Variants in NEK5 observed in about 807,000 individuals in gnomAD.
NEK5 encodes the protein NIMA related kinase 5, also known as serine/threonine-protein kinase Nek5.
In NEK5, 88 loss-of-function variants were observed where a neutral mutation model predicts 109.2. The observed-to-expected ratio is 0.81, with a 90% CI of 0.68 to 0.96. The LOEUF is 0.96. NEK5 is among the 40% of genes least tolerant of loss of function. NEK5 has a pLI of 0.00. For synonymous variants in NEK5, 283 were observed against 299.9 expected, an observed-to-expected ratio of 0.94 and a Z score of 0.58; for missense variants, 834 against 920.7, an observed-to-expected ratio of 0.91 and a Z score of 1.22.
intron 21 of NEK5, chr13:52,065,205 G>T (rs1954667610): frequency 3.9e-6 from 2 of 514,724 alleles, no homozygotes; most frequent in Admixed American, 3.2e-5. Flanking sequence ...AATCAAGTCA[G>T]CTGTCCTTCC....
At chr13:52,054,130 T>C (rs1954531839) in intron 22 of NEK5, among the ~76,000 whole-genome samples, 1 of 152,236 alleles carries the variant, frequency 6.6e-6, no homozygotes, top group Non-Finnish European at 1.5e-5. Flanking sequence ...AAAGCAGCAG[T>C]GTCATTTGAT....
At chr13:52,085,609 T>C (rs1438807210) in intron 16 of NEK5, among the ~76,000 whole-genome samples, 4 of 152,208 alleles carry the variant, frequency 2.6e-5, no homozygotes, top group Non-Finnish European at 5.9e-5. Flanking sequence ...AAGCTTCTCC[T>C]AGGAGAGCAT....
intron 19 of NEK5, among the ~76,000 whole-genome samples, chr13:52,074,629 G>A (rs1448445988): frequency 1.3e-5 from 2 of 152,024 alleles, no homozygotes; most frequent in Non-Finnish European, 2.9e-5. Flanking sequence ...AAATTGACAA[G>A]TGGAACCTAA....
chr13:52,099,846 C>G lies in NEK5; in HGVS notation c.923G>C (p.Gly308Ala). 2 of 1,613,574 alleles carry G rather than the reference C, an allele frequency of 1.2e-6. No individual in the cohort carries two copies. Among genetic ancestry groups the G allele is most frequent in the South Asian group, 2.2e-5 (2 of 91,040 alleles). The stretch of plus-strand genomic sequence containing the variant: ...TATCCTTGATCTTGGTGGGCACTTT[C>G]CCTGGAATCTCACTTTTTGTATTTT... ...KCKIQKVRFQ[G>A]KCPPRSRISV... The change falls in exon 12 of 24, where the codon GGA becomes GCA. Residue 308 changes from glycine (G) to alanine (A), a missense_variant. Transcript: ENST00000684899.
At chr13:52,052,429 G>C (rs1011454302) in intron 22 of NEK5, among the ~76,000 whole-genome samples, 2 of 152,166 alleles carry the variant, frequency 1.3e-5, no homozygotes, top group African/African-American at 4.8e-5. Context: ...CACCACCAAG[G>C]TATAAGACTC....
chr13:52,075,695 A>T (rs1368806470), intron 19 of NEK5, 63 bp downstream of exon 19: 8 of 971,508 alleles, frequency 8.2e-6, no homozygotes, highest in Non-Finnish European at 1.3e-5. Flanking sequence ...TTCATGAAAC[A>T]TGCTATTAAG....
At chr13:52,113,632 TC>T (rs1955797474) in intron 4 of NEK5, among the ~76,000 whole-genome samples, 1 of 152,202 alleles carries the variant, frequency 6.6e-6, no homozygotes, top group East Asian at 1.9e-4. Flanking sequence ...AAATTTTTTT[TC>T]TTTTTTTTTT....
chr13:52,107,700 A>G (rs1175549667), intron 8 of NEK5, among the ~76,000 whole-genome samples: 1 of 152,124 alleles, frequency 6.6e-6, no homozygotes, highest in Non-Finnish European at 1.5e-5. Context: ...CCATGACAAA[A>G]TAATGAAGGA....
Position 52,050,104 on chromosome 13 carries a change from G to C in NEK5, c.2228C>G (p.Thr743Arg), listed in dbSNP as rs536942247. 25 of 965,504 alleles carry C rather than the reference G, an allele frequency of 2.6e-5. No homozygotes were observed. The highest frequency in any genetic ancestry group is 3.1e-5 in the Non-Finnish European group (25 of 811,538). 59.8% of individuals were successfully genotyped at this position (965,504 alleles called of 1,614,324 possible). ...QLEPRSDDDD[T>R]NFEESEDELR... ...AGGTATCGGCAAATGATCTACTTAC[G>C]TATCATCATCATCAGATCTTGGTTC... is the stretch of plus-strand genomic sequence containing the variant. The change falls in exon 23 of 24, where the codon ACA (threonine) becomes AGA (arginine). Residue 743 changes from threonine (T) to arginine (R), a missense_variant and splice_region_variant. This residue lies in a region of NEK5 where 57 missense variants were observed against 96.0 expected (regional missense o/e 0.59). Coordinates refer to ENST00000684899, the MANE Select transcript of NEK5 (RefSeq NM_001365552.1).
At position 52,104,569 on chromosome 13, in the gene NEK5, T is replaced by C; in HGVS notation, c.555-17A>G. On this transcript the variant is annotated splice_polypyrimidine_tract_variant and intron_variant, in intron 8 of 23. Transcript: ENST00000684899. ...CAAATATCCCTAAAGAAGATAAGAG[T>C]TTACATGCCAAGAAAATATCCATAA... 1 of 1,561,880 alleles carries C rather than the reference T, an allele frequency of 6.4e-7. No homozygotes were observed. Among genetic ancestry groups the C allele is most frequent in the Non-Finnish European group, 8.8e-7 (1 of 1,133,976 alleles).
chr13:52,085,853 G>A (rs1955130339), intron 16 of NEK5, among the ~76,000 whole-genome samples: 1 of 152,178 alleles, frequency 6.6e-6, no homozygotes, highest in Admixed American at 6.5e-5. Flanking sequence ...ATAGCCTTTA[G>A]AACCTTACCC....
At chr13:52,073,385 A>G (rs1324827839) in intron 19 of NEK5, among the ~76,000 whole-genome samples, 5 of 150,494 alleles carry the variant, frequency 3.3e-5, no homozygotes, top group African/African-American at 1.2e-4. Context: ...CAGTGATCTC[A>G]GCTCACTGCA....
At chr13:52,084,762 A>AGAGTGTGTGTGTGT (rs1228944662) in intron 16 of NEK5, among the ~76,000 whole-genome samples, 16 of 47,436 alleles carry the variant, frequency 3.4e-4, no homozygotes, top group African/African-American at 9.6e-4. Flanking sequence ...AGAGAGAGAG[A>AGAGTGTGTGTGTGT]GTGTGTGTGT....
intron 22 of NEK5, among the ~76,000 whole-genome samples, chr13:52,052,863 T>C (rs1034230953): frequency 2.6e-5 from 4 of 152,296 alleles, no homozygotes; most frequent in African/African-American, 7.2e-5. Context: ...CCTTTTTTTT[T>C]CCAGCAAACA....
chr13:52,051,648 C>T (rs762611810), intron 22 of NEK5, among the ~76,000 whole-genome samples: 7 of 152,088 alleles, frequency 4.6e-5, no homozygotes, highest in Non-Finnish European at 1.0e-4. Flanking sequence ...TGGCTGACAG[C>T]GGCTGCGGTT....
intron 23 of NEK5, among the ~76,000 whole-genome samples, chr13:52,040,258 A>G (rs769135309): frequency 2.0e-5 from 3 of 151,496 alleles, no homozygotes; most frequent in African/African-American, 2.4e-5. Context: ...TAATTTTTCT[A>G]TTTTTTAGTA....
At chr13:52,071,542 C>T (rs4297592) in intron 20 of NEK5, among the ~76,000 whole-genome samples, 63,088 of 152,130 alleles carry the variant, frequency 0.41, 15,024 homozygotes, top group Non-Finnish European at 0.54. Flanking sequence ...GCCCACAACA[C>T]TGGCCCCAGC....
intron 14 of NEK5, 96 bp downstream of exon 14, chr13:52,089,151 G>A (rs1955221568): frequency 2.6e-6 from 2 of 775,352 alleles, no homozygotes; most frequent in Non-Finnish European, 2.2e-6. Flanking sequence ...GAGTATTCTT[G>A]ACCTTCTGGT....
rs1400570587 is a variant in NEK5, at chr13:52,034,209, T to G, written c.*2739A>C. 2 of 152,192 alleles carry G rather than the reference T, an allele frequency of 1.3e-5. No homozygotes were observed. Among genetic ancestry groups the G allele is most frequent in the Non-Finnish European group, 2.9e-5 (2 of 68,032 alleles). 9.4% of individuals were successfully genotyped at this position (152,192 alleles called of 1,614,324 possible). ...AAATTTTTAATGCATACAGGTCTGG[T>G]GAACAGTTTCAATTTAACGGATGAG... On this transcript the variant is annotated 3_prime_UTR_variant, in exon 24 of 24. Coordinates refer to ENST00000684899, the MANE Select transcript of NEK5 (RefSeq NM_001365552.1).
Sources: allele counts gnomAD v4.1 joint callset (sites outside exome capture counted in the v4.1 genomes callset), GRCh38; gene constraint gnomAD v4.1.1; regional missense constraint gnomAD v4.1.1; transcripts MANE v1.5; gene names NCBI Gene and HGNC (gene_info 2026-07-23, HGNC 2026-07-21).